The following PCNX1 variants were observed in gnomAD, a reference collection of about 807,000 sequenced individuals.
The protein encoded by PCNX1 is pecanex-like protein 1.
A neutral mutation model predicts 242.2 loss-of-function variants in PCNX1; 78 were observed. The observed-to-expected ratio is 0.32, with a 90% confidence interval of 0.27 to 0.39. PCNX1 has a LOEUF of 0.39. Among genes scored for constraint, PCNX1 ranks in the 10% least tolerant of loss-of-function variants. The pLI is 1.00. For synonymous variants in PCNX1, 1,024 were observed against 1,032.9 expected (o/e 0.99, Z 0.17); for missense variants, 2,581 against 2,856.5 (o/e 0.90, Z 2.20).
Position 71,104,564 on chromosome 14 carries a change from A to G in PCNX1, c.6096-671A>G, listed in dbSNP as rs77712527. On this transcript the variant is annotated intron_variant, in intron 32 of 35. Transcript: ENST00000304743. ...CTCTCTTCAAGTACACTATATTAAC[A>G]GTATAAATAAATTAGGTTTTCAGGG... is the stretch of plus-strand genomic sequence containing the variant. Among the ~76,000 whole-genome samples, 1,165 of 152,286 alleles carry G rather than the reference A, an allele frequency of 7.7e-3. 10 individuals carry two copies. Among genetic ancestry groups the G allele is most frequent in the African/African-American group, 0.026 (1,098 of 41,560 alleles).
intron 1 of PCNX1, among the ~76,000 whole-genome samples, chr14:70,941,082 G>T (rs2057221577): frequency 6.6e-6 from 1 of 152,154 alleles, no homozygotes; most frequent in Non-Finnish European, 1.5e-5. Flanking sequence ...TCCTCCTTTA[G>T]CTCGGAGAAG....
intron 8 of PCNX1, among the ~76,000 whole-genome samples, chr14:71,003,372 T>G (rs959718391): frequency 6.6e-6 from 1 of 152,188 alleles, no homozygotes; most frequent in African/African-American, 2.4e-5. Flanking sequence ...ATTACGGGCA[T>G]GAGCCACTGC....
intron 16 of PCNX1, among the ~76,000 whole-genome samples, chr14:71,030,158 T>C (rs28534442): frequency 1.9e-3 from 294 of 152,308 alleles, no homozygotes; most frequent in African/African-American, 6.7e-3. Flanking sequence ...ACAAGACTTA[T>C]AGCAAGAACA....
intron 19 of PCNX1, among the ~76,000 whole-genome samples, chr14:71,043,540 G>A (rs545701890): frequency 6.0e-5 from 9 of 150,262 alleles, no homozygotes; most frequent in African/African-American, 2.2e-4. Context: ...GGGTTGGTTG[G>A]TTGGTTTGTT....
At chr14:70,928,216 C>T (rs2140140062) in intron 1 of PCNX1, among the ~76,000 whole-genome samples, 1 of 152,234 alleles carries the variant, frequency 6.6e-6, no homozygotes, top group South Asian at 2.1e-4. Flanking sequence ...TGTATTTGCT[C>T]ATAAGGTAAT....
intron 1 of PCNX1, among the ~76,000 whole-genome samples, chr14:70,910,239 ACCATCATCATCACGGCCATCAGG>A (rs2055835942): frequency 6.8e-5 from 1 of 14,610 alleles, no homozygotes; most frequent in Middle Eastern, 0.062. Flanking sequence ...TCTCACCAGC[ACCATCATCATCACGGCCATCAGG>A]CCATCATCAT....
intron 8 of PCNX1, among the ~76,000 whole-genome samples, chr14:70,998,062 CAT>C (rs1216583695): frequency 1.3e-5 from 2 of 152,118 alleles, no homozygotes; most frequent in Non-Finnish European, 2.9e-5. Context: ...ATAAAGCATA[CAT>C]ACACACATAC....
intron 15 of PCNX1, among the ~76,000 whole-genome samples, chr14:71,028,240 T>G (rs2060289936): frequency 1.3e-5 from 2 of 151,974 alleles, no homozygotes; most frequent in African/African-American, 4.8e-5. Context: ...AGCAATTAGA[T>G]CTACACTTTT....
chr14:70,954,551 A>G (rs1205579503), intron 2 of PCNX1, among the ~76,000 whole-genome samples: 3 of 152,138 alleles, frequency 2.0e-5, no homozygotes, highest in Admixed American at 6.5e-5. Context: ...AATACCTTTC[A>G]GTAATAGTTT....
At chr14:70,942,531 G>A (rs1015758936) in intron 1 of PCNX1, among the ~76,000 whole-genome samples, 1 of 152,162 alleles carries the variant, frequency 6.6e-6, no homozygotes, top group African/African-American at 2.4e-5. Flanking sequence ...TGCAGCAGGT[G>A]CTTCAGCAGA....
chr14:71,047,095 C>T lies in PCNX1; in HGVS notation c.4150C>T (p.Leu1384=), dbSNP rs1179766242. Residue 1384 remains leucine, a synonymous_variant, in exon 21 of 36, where the codon CTG becomes TTG. Transcript: ENST00000304743. ...SAETIASPKK[L]NTELGALMIT... The stretch of plus-strand genomic sequence containing the variant: ...AGAGACAATTGCTAGTCCAAAGAAA[C>T]TGAATACAGAGTAAGTATAGTAGTC... 9 of 1,599,862 alleles carry T rather than the reference C, an allele frequency of 5.6e-6. No individual in the cohort carries two copies. Among genetic ancestry groups the T allele is most frequent in the Non-Finnish European group, 6.8e-6 (8 of 1,169,796 alleles).
At chr14:70,909,355 T>C (rs906243768) in intron 1 of PCNX1, among the ~76,000 whole-genome samples, 4 of 152,204 alleles carry the variant, frequency 2.6e-5, no homozygotes, top group Non-Finnish European at 5.9e-5. Context: ...TCTGAAAATT[T>C]ATCGTGAAGT....
At chr14:70,922,568 TTTCC>T (rs2056419264) in intron 1 of PCNX1, among the ~76,000 whole-genome samples, 1 of 152,144 alleles carries the variant, frequency 6.6e-6, no homozygotes, top group South Asian at 2.1e-4. Flanking sequence ...ATAATGGTTG[TTTCC>T]TCTTGGTAGT....
chr14:70,992,142 A>G (rs559681201), intron 7 of PCNX1, among the ~76,000 whole-genome samples: 44 of 152,228 alleles, frequency 2.9e-4, no homozygotes, highest in African/African-American at 9.4e-4. Context: ...GTAGGCCTAA[A>G]AAAGACAAAT....
chr14:71,020,981 G>C (rs1321526953), intron 12 of PCNX1, among the ~76,000 whole-genome samples: 3 of 151,926 alleles, frequency 2.0e-5, no homozygotes, highest in East Asian at 1.9e-4. Context: ...CTGCATATGG[G>C]TAGCCAGTTT....
At chr14:71,101,484 CTG>C (rs1427147470) in intron 30 of PCNX1, among the ~76,000 whole-genome samples, 17 of 152,310 alleles carry the variant, frequency 1.1e-4, no homozygotes, top group South Asian at 8.3e-4. Flanking sequence ...GACCCCAAAT[CTG>C]TGCTCAGAGC....
chr14:70,964,991 C>A (rs1490397030), intron 3 of PCNX1, among the ~76,000 whole-genome samples: 1 of 152,118 alleles, frequency 6.6e-6, no homozygotes, highest in African/African-American at 2.4e-5. Flanking sequence ...TATAGACATA[C>A]TGTTGTTTCT....
intron 25 of PCNX1, among the ~76,000 whole-genome samples, chr14:71,056,544 T>C (rs562234602): frequency 6.6e-6 from 1 of 152,372 alleles, no homozygotes; most frequent in African/African-American, 2.4e-5. Context: ...AAAATAATTA[T>C]TAAGCTCTGA....
chr14:70,965,744 T>A (rs1264362027), intron 3 of PCNX1, among the ~76,000 whole-genome samples: 1 of 151,470 alleles, frequency 6.6e-6, no homozygotes, highest in Non-Finnish European at 1.5e-5. Flanking sequence ...TTTCATAGGA[T>A]AAAATAATTG....
Sources: gnomAD v4.1 joint callset for allele counts (sites outside exome capture counted in the v4.1 genomes callset) on GRCh38, gnomAD v4.1.1 for gene constraint, MANE v1.5 for transcripts, NCBI Gene and HGNC (gene_info 2026-07-23, HGNC 2026-07-21) for gene names.